Variants in SLC10A7 observed in about 807,000 individuals in gnomAD.
The protein encoded by SLC10A7 is solute carrier family 10 member 7, also known as sodium/bile acid cotransporter 7.
Under a neutral mutation model 43.2 loss-of-function variants are expected in SLC10A7, and 29 were observed. The observed-to-expected ratio is 0.67, with a 90% CI of 0.50 to 0.92. The LOEUF (loss-of-function observed/expected upper bound fraction) is 0.92. Ranked by LOEUF, SLC10A7 falls within the 40% of genes least tolerant of loss-of-function variation. The pLI, the probability that SLC10A7 is intolerant of heterozygous loss-of-function variation, is 0.00. For synonymous variants in SLC10A7, 152 were observed against 144.8 expected (o/e 1.05, Z -0.35); for missense variants, 295 against 403.2 (o/e 0.73, Z 2.30).
At chr4:146,425,151 T>C (rs1378817750) in intron 5 of SLC10A7, among the ~76,000 whole-genome samples, 1 of 152,216 alleles carries the variant, frequency 6.6e-6, no homozygotes, top group Non-Finnish European at 1.5e-5. Flanking sequence ...CATGTGTATG[T>C]GATTGCCTTT....
chr4:146,367,644 T>C (rs960687206), intron 5 of SLC10A7, among the ~76,000 whole-genome samples: 1 of 152,164 alleles, frequency 6.6e-6, no homozygotes, highest in African/African-American at 2.4e-5. Flanking sequence ...AAAAGAATCA[T>C]TTAAAATATA....
intron 10 of SLC10A7, among the ~76,000 whole-genome samples, chr4:146,275,215 C>T (rs1729131168): frequency 6.6e-6 from 1 of 152,162 alleles, no homozygotes; most frequent in African/African-American, 2.4e-5. Context: ...AAACAATGTG[C>T]TATAATTTTG....
chr4:146,415,261 T>A (rs796183392), intron 5 of SLC10A7, among the ~76,000 whole-genome samples: 9 of 152,338 alleles, frequency 5.9e-5, no homozygotes, highest in African/African-American at 2.2e-4. Context: ...AAGTAGATTG[T>A]CAAGAAATAG....
intron 5 of SLC10A7, among the ~76,000 whole-genome samples, chr4:146,407,721 C>A (rs900213762): frequency 1.4e-4 from 21 of 152,286 alleles, no homozygotes; most frequent in Middle Eastern, 6.8e-3. Flanking sequence ...GTTAACAGAA[C>A]CCTGTTTTCT....
chr4:146,413,736 T>C (rs1728364283), intron 5 of SLC10A7, among the ~76,000 whole-genome samples: 1 of 152,160 alleles, frequency 6.6e-6, no homozygotes, highest in Non-Finnish European at 1.5e-5. Flanking sequence ...TAAATAAACA[T>C]GGTCTACAGC....
In SLC10A7 at chr4:146,256,438, G is replaced by A; in HGVS notation, c.*53C>T. ...CAAGTACAAGTCTTCAGAATTGCTAGTATGTACAATCCTGTACATATATAC... is the reference window on the plus strand; with the variant it reads ...CAAGTACAAGTCTTCAGAATTGCTAATATGTACAATCCTGTACATATATAC... On this transcript the variant is annotated 3_prime_UTR_variant, in exon 12 of 12. Transcript: ENST00000335472. The A allele has an allele frequency of 6.5e-7, 1 of 1,543,172 alleles. No homozygotes were observed. The highest frequency in any genetic ancestry group is 8.9e-7 in the Non-Finnish European group (1 of 1,119,366).
chr4:146,265,771 G>A (rs1339643922), intron 10 of SLC10A7, among the ~76,000 whole-genome samples: 2 of 152,170 alleles, frequency 1.3e-5, no homozygotes, highest in South Asian at 2.1e-4. Flanking sequence ...TAAAGACAAC[G>A]CATTCACATA....
chr4:146,402,137 C>A (rs939004930), intron 5 of SLC10A7, among the ~76,000 whole-genome samples: 1 of 152,226 alleles, frequency 6.6e-6, no homozygotes, highest in South Asian at 2.1e-4. Flanking sequence ...TGGAGTGAAA[C>A]TGATTTTAGG....
At chr4:146,473,847 T>C (rs1297835967) in intron 4 of SLC10A7, among the ~76,000 whole-genome samples, 1 of 152,146 alleles carries the variant, frequency 6.6e-6, no homozygotes, top group Non-Finnish European at 1.5e-5. Flanking sequence ...GAATCAACAC[T>C]ATTATTTATA....
intron 3 of SLC10A7, among the ~76,000 whole-genome samples, chr4:146,507,430 G>A (rs1737023274): frequency 1.3e-5 from 2 of 151,976 alleles, no homozygotes; most frequent in Non-Finnish European, 2.9e-5. Context: ...CATGGTGGCG[G>A]GCACCTGTAA....
At chr4:146,493,889 T>C (rs1363314797) in intron 4 of SLC10A7, among the ~76,000 whole-genome samples, 3 of 152,208 alleles carry the variant, frequency 2.0e-5, no homozygotes, top group Non-Finnish European at 4.4e-5. Flanking sequence ...TTTATATCAC[T>C]TACTAAACTG....
chr4:146,328,846 A>G (rs1204115417), intron 5 of SLC10A7, among the ~76,000 whole-genome samples: 3 of 152,206 alleles, frequency 2.0e-5, no homozygotes, highest in Non-Finnish European at 4.4e-5. Flanking sequence ...GCCAATCTAT[A>G]AAATTGGAAG....
intron 4 of SLC10A7, among the ~76,000 whole-genome samples, chr4:146,485,051 C>T (rs1178985597): frequency 1.3e-5 from 2 of 152,170 alleles, no homozygotes; most frequent in Non-Finnish European, 2.9e-5. Context: ...TACTATCCCA[C>T]CTCATCCCTT....
chr4:146,262,369 T>C, intron 10 of SLC10A7, among the ~76,000 whole-genome samples: 1 of 152,204 alleles, frequency 6.6e-6, no homozygotes, highest in Non-Finnish European at 1.5e-5. Context: ...CAGCACTATC[T>C]GGACAACAAC....
intron 5 of SLC10A7, among the ~76,000 whole-genome samples, chr4:146,362,366 A>G (rs1736104360): frequency 6.6e-6 from 1 of 152,144 alleles, no homozygotes; most frequent in Non-Finnish European, 1.5e-5. Context: ...AAAGAGGCAA[A>G]TAACATATAA....
intron 5 of SLC10A7, among the ~76,000 whole-genome samples, chr4:146,389,681 C>G (rs1173080808): frequency 6.6e-6 from 1 of 152,132 alleles, no homozygotes; most frequent in African/African-American, 2.4e-5. Context: ...GTCTTTATGA[C>G]CAGGGTTGGT....
rs115981393 is a variant in SLC10A7, at chr4:146,376,772, G to A, written c.436-50776C>T. 8.6e-3 allele frequency among the ~76,000 whole-genome samples: 1,308 copies of A among 152,248 alleles called. 14 individuals are homozygous for A. The highest frequency in any genetic ancestry group is 0.014 in the Non-Finnish European group (933 of 68,018). On this transcript the variant is annotated intron_variant, in intron 5 of 11. Coordinates refer to ENST00000335472, the MANE Select transcript of SLC10A7 (RefSeq NM_001029998.6). Reference sequence around the variant, plus strand: ...GTACACTCACCAGCAGTTTTGCCGCGACTGTATATTGAACAAAGGAGACAA... The same window carrying A: ...GTACACTCACCAGCAGTTTTGCCGCAACTGTATATTGAACAAAGGAGACAA...
intron 5 of SLC10A7, among the ~76,000 whole-genome samples, chr4:146,379,947 C>T (rs930089208): frequency 6.6e-6 from 1 of 150,580 alleles, no homozygotes; most frequent in Non-Finnish European, 1.5e-5. Flanking sequence ...CTCTCTCTCT[C>T]TCTCTCTCTC....
intron 6 of SLC10A7, among the ~76,000 whole-genome samples, chr4:146,322,690 AT>A (rs1732807962): frequency 6.6e-6 from 1 of 152,140 alleles, no homozygotes; most frequent in African/African-American, 2.4e-5. Context: ...ATACGTGTGC[AT>A]GTGTCTTTAT....
Sources: gnomAD v4.1 joint callset for allele counts (sites outside exome capture counted in the v4.1 genomes callset) on GRCh38, gnomAD v4.1.1 for gene constraint, MANE v1.5 for transcripts, NCBI Gene and HGNC (gene_info 2026-07-23, HGNC 2026-07-21) for gene names.